LMBR1: variants seen among roughly 807,000 people sequenced by gnomAD.
LMBR1 encodes limb development membrane protein 1.
In LMBR1, 52 loss-of-function variants were observed where a neutral mutation model predicts 73.9. The ratio of observed to expected loss-of-function variants is 0.70; its 90% CI spans 0.56 to 0.89. LMBR1 has a LOEUF of 0.89. Ranked by LOEUF, LMBR1 falls within the 40% of genes least tolerant of loss-of-function variation. The pLI is 0.00. For missense variants in LMBR1, 539 were observed against 579.8 expected, an observed-to-expected ratio of 0.93 and a Z score of 0.72; for synonymous variants, 215 against 209.4, an observed-to-expected ratio of 1.03 and a Z score of -0.23.
At chr7:156,862,876 C>A (rs2192509) in intron 1 of LMBR1, among the ~76,000 whole-genome samples, 54,349 of 151,778 alleles carry the variant, frequency 0.36, 9,919 homozygotes, top group East Asian at 0.56. Context: ...AACATCAGCT[C>A]TTCCGGGGCC....
chr7:156,687,531 C>G (rs1806238090), intron 16 of LMBR1, among the ~76,000 whole-genome samples: 1 of 152,230 alleles, frequency 6.6e-6, no homozygotes, highest in Non-Finnish European at 1.5e-5. Flanking sequence ...TAAATCCCCT[C>G]TCTTCTATTA....
At chr7:156,735,309 T>C (rs1424012312) in intron 9 of LMBR1, among the ~76,000 whole-genome samples, 1 of 152,214 alleles carries the variant, frequency 6.6e-6, no homozygotes, top group African/African-American at 2.4e-5. Context: ...TCTTGAATTC[T>C]ACCAATGTGA....
chr7:156,698,596 C>T (rs542937146), intron 15 of LMBR1, among the ~76,000 whole-genome samples: 11 of 152,200 alleles, frequency 7.2e-5, no homozygotes, highest in Non-Finnish European at 1.3e-4. Flanking sequence ...GGGGCTTCCA[C>T]CCTCTGAAGC....
chr7:156,797,785 TCA>T (rs910419742), intron 4 of LMBR1, among the ~76,000 whole-genome samples: 2 of 152,168 alleles, frequency 1.3e-5, no homozygotes, highest in South Asian at 2.1e-4. Flanking sequence ...TAAAATCAAC[TCA>T]CAGTTTCTTA....
intron 15 of LMBR1, among the ~76,000 whole-genome samples, chr7:156,709,896 ATTTTTTTT>A (rs34487923): frequency 0.037 from 3,303 of 90,248 alleles, 60 homozygotes; most frequent in Non-Finnish European, 0.052. Context: ...CAGAAGGTTG[ATTTTTTTT>A]TTTTTTTTTT....
chr7:156,880,668 T>C (rs1283163389), intron 1 of LMBR1, among the ~76,000 whole-genome samples: 1 of 152,128 alleles, frequency 6.6e-6, no homozygotes, highest in East Asian at 1.9e-4. Context: ...TATTTTTTTT[T>C]CTGAGACGGA....
chr7:156,723,866 A>G (rs1815137801), intron 15 of LMBR1, among the ~76,000 whole-genome samples: 1 of 152,144 alleles, frequency 6.6e-6, no homozygotes, highest in African/African-American at 2.4e-5. Flanking sequence ...AAATACAACA[A>G]AAACCAGCCC....
chr7:156,889,377 CTTA>C (rs200689984), intron 1 of LMBR1, among the ~76,000 whole-genome samples: 15,581 of 149,420 alleles, frequency 0.1, 894 homozygotes, highest in African/African-American at 0.13. Context: ...ATATATATAT[CTTA>C]TTATGATAAA....
At chr7:156,767,155 G>C (rs76561703) in intron 5 of LMBR1, among the ~76,000 whole-genome samples, 6,148 of 152,066 alleles carry the variant, frequency 0.04, 404 homozygotes, top group African/African-American at 0.14. Flanking sequence ...GTCCTTCAGG[G>C]GTGTAAAAGC....
chr7:156,832,995 T>C (rs928516309), intron 3 of LMBR1, among the ~76,000 whole-genome samples: 15 of 152,220 alleles, frequency 9.9e-5, no homozygotes, highest in Non-Finnish European at 2.2e-4. Context: ...GGTACCGCTG[T>C]CTATGCTAAT....
chr7:156,817,514 G>A (rs1223099622), intron 4 of LMBR1, among the ~76,000 whole-genome samples: 4 of 66,754 alleles, frequency 6.0e-5, no homozygotes, highest in Non-Finnish European at 1.3e-4. Context: ...GAGAGAGAGA[G>A]ACAGAGACAG....
At position 156,855,790 on chromosome 7, in the gene LMBR1, A is replaced by T. The variant is rs569900082; in HGVS notation, c.67-18905T>A. On this transcript the variant is annotated intron_variant, in intron 1 of 16. Coordinates refer to ENST00000353442, the MANE Select transcript of LMBR1 (RefSeq NM_022458.4). ...AATAAAAATGCCTTACAAATAGAGG[A>T]TCAAAGATTAGAATTGCATCAGACT... 3.9e-5 allele frequency among the ~76,000 whole-genome samples: 6 copies of T among 152,264 alleles called. No homozygotes were observed. In the South Asian group the frequency reaches 1.2e-3, roughly 32 times the overall value.
intron 1 of LMBR1, among the ~76,000 whole-genome samples, chr7:156,852,301 T>C (rs1194113252): frequency 6.6e-6 from 1 of 152,096 alleles, no homozygotes; most frequent in Non-Finnish European, 1.5e-5. Flanking sequence ...TCAATATACG[T>C]GTTCAATGTT....
Position 156,890,128 on chromosome 7 carries a change from T to C in LMBR1, c.66+2800A>G, listed in dbSNP as rs187601118. Among the ~76,000 whole-genome samples, 221 of 152,286 alleles carry C rather than the reference T, an allele frequency of 1.5e-3. 2 individuals carry two copies. The highest frequency in any genetic ancestry group is 4.4e-3 in the African/African-American group (183 of 41,558). ...AAAGTCCTAAATAGTGCTGAAGCAA[T>C]TGGACATTCCTGTGGGAGAAAAAAA... On this transcript the variant is annotated intron_variant, in intron 1 of 16. Coordinates refer to ENST00000353442, the MANE Select transcript of LMBR1 (RefSeq NM_022458.4).
chr7:156,867,971 G>A (rs984898466), intron 1 of LMBR1, among the ~76,000 whole-genome samples: 1 of 152,128 alleles, frequency 6.6e-6, no homozygotes, highest in Non-Finnish European at 1.5e-5. Flanking sequence ...TTGAGGCTGG[G>A]TGCCATGGCT....
At position 156,791,034 on chromosome 7, in the gene LMBR1, T is replaced by C. The variant is rs78118545; in HGVS notation, c.423+5355A>G. On this transcript the variant is annotated intron_variant, in intron 5 of 16. Coordinates refer to ENST00000353442, the MANE Select transcript of LMBR1 (RefSeq NM_022458.4). The stretch of plus-strand genomic sequence containing the variant: ...ACTAGTGCTCTCAATTGGGGGATTG[T>C]AGAGGATTTCTATTAATAAATTGCT... 9.1e-4 allele frequency among the ~76,000 whole-genome samples: 138 copies of C among 152,348 alleles called. No homozygotes were observed. Among genetic ancestry groups the C allele is most frequent in the Non-Finnish European group, 1.5e-3 (101 of 68,030 alleles).
At chr7:156,857,680 A>G (rs1218565225) in intron 1 of LMBR1, among the ~76,000 whole-genome samples, 1 of 152,210 alleles carries the variant, frequency 6.6e-6, no homozygotes, top group East Asian at 1.9e-4. Flanking sequence ...ACGTGAAAAC[A>G]CTCACTAAGA....
downstream of LMBR1, chr7:156,676,243 G>GTT: frequency 6.7e-7 from 1 of 1,490,972 alleles, no homozygotes; most frequent in Non-Finnish European, 8.9e-7. Flanking sequence ...GTATATGTGT[G>GTT]TGTATATATA....
At chr7:156,691,625 A>T (rs1807195350) in intron 15 of LMBR1, among the ~76,000 whole-genome samples, 1 of 152,196 alleles carries the variant, frequency 6.6e-6, no homozygotes, top group African/African-American at 2.4e-5. Flanking sequence ...ACATAAAGGG[A>T]TCATTAATAT....
Sources: gnomAD v4.1 joint callset for allele counts (sites outside exome capture counted in the v4.1 genomes callset) on GRCh38, gnomAD v4.1.1 for gene constraint, MANE v1.5 for transcripts, NCBI Gene and HGNC (gene_info 2026-07-23, HGNC 2026-07-21) for gene names.